Variants in LDLRAD1 observed in about 807,000 individuals in gnomAD.
LDLRAD1 encodes low density lipoprotein receptor class A domain containing 1.
A neutral mutation model predicts 24.8 loss-of-function variants in LDLRAD1; 17 were observed. The observed-to-expected ratio is 0.69, with a 90% CI of 0.47 to 1.03. LDLRAD1 has a LOEUF of 1.03. Ranked by LOEUF, LDLRAD1 falls within the 50% of genes least tolerant of loss-of-function variation. The pLI, the probability that LDLRAD1 is intolerant of heterozygous loss-of-function variation, is 0.00. For missense variants in LDLRAD1, 277 were observed against 271.0 expected, an observed-to-expected ratio of 1.02 and a Z score of -0.16; for synonymous variants, 103 against 108.2, an observed-to-expected ratio of 0.95 and a Z score of 0.30.
At chr1:54,016,941 C>T (rs530853534) in intron 2 of LDLRAD1, among the ~76,000 whole-genome samples, 1 of 152,338 alleles carries the variant, frequency 6.6e-6, no homozygotes, top group East Asian at 1.9e-4. Flanking sequence ...CTTCCTTCTT[C>T]TATTTTCAGA....
Position 54,010,422 on chromosome 1 carries a change from C to T in LDLRAD1, c.341-12G>A, listed in dbSNP as rs748446923. On this transcript the variant is annotated splice_polypyrimidine_tract_variant and intron_variant, in intron 4 of 5. Coordinates refer to ENST00000371360, the MANE Select transcript of LDLRAD1 (RefSeq NM_001010978.4). ...CTGGGGCACATCTCCTGTAGAGGTA[C>T]AGAGGAGGCAGGAAGAAGTCCACAT... The T allele has an allele frequency of 4.3e-6, 7 of 1,613,558 alleles. No individual in the cohort carries two copies. The South Asian group carries it at 7.7e-5, about 18-fold the overall frequency.
chr1:54,012,129 G>A lies in LDLRAD1; in HGVS notation c.340+14C>T, dbSNP rs533879494. 20 of 1,612,990 alleles carry A rather than the reference G, an allele frequency of 1.2e-5. No individual in the cohort carries two copies. In the Middle Eastern group the frequency reaches 1.0e-3, roughly 81 times the overall value. ...GGGAACCCCTGGGAGGGGCAGCACC[G>A]AGCGGGTACTCACGGCACAAGCTCT... On this transcript the variant is annotated intron_variant, in intron 4 of 5. Coordinates refer to ENST00000371360, the MANE Select transcript of LDLRAD1 (RefSeq NM_001010978.4).
chr1:54,014,291 A>G lies in LDLRAD1; in HGVS notation c.147T>C (p.Thr49=). 1 of 1,550,876 alleles carries G rather than the reference A, an allele frequency of 6.4e-7. No homozygotes were observed. Among genetic ancestry groups the G allele is most frequent in the Non-Finnish European group, 8.7e-7 (1 of 1,147,198 alleles). ...TGACCAAGGCGATGAGGGCCGCCAC[A>G]GTTGCCAGGAGGAGCAGCAGAGAGG... ...LSASLLLLLA[T]VAALIALVTI... Residue 49 remains threonine, a synonymous_variant, in exon 3 of 6, where the codon ACT becomes ACC. Transcript: ENST00000371360.
At chr1:54,010,468 G>T in intron 4 of LDLRAD1, 58 bp from the exon 5 acceptor site, 2 of 1,592,040 alleles carry the variant, frequency 1.3e-6, no homozygotes, top group Non-Finnish European at 1.7e-6. Context: ...CTGTCTGAGG[G>T]TTATCGGGAG....
At chr1:54,010,164 C>A in intron 5 of LDLRAD1, 118 bp downstream of exon 5, 2 of 1,210,996 alleles carry the variant, frequency 1.7e-6, no homozygotes, top group Non-Finnish European at 2.3e-6. Context: ...GTAGAAAACT[C>A]CTTCCTAGGA....
Position 54,009,012 on chromosome 1 carries a change from C to G in LDLRAD1, c.588G>C (p.Trp196Cys). The G allele has an allele frequency of 1.9e-6, 3 of 1,613,914 alleles. No homozygotes were observed. Among genetic ancestry groups the G allele is most frequent in the African/African-American group, 2.7e-5 (2 of 75,016 alleles). Residue 196 changes from tryptophan (W) to cysteine (C), a missense_variant, in exon 6 of 6, where the codon TGG (tryptophan) becomes TGC (cysteine). Coordinates refer to ENST00000371360, the MANE Select transcript of LDLRAD1 (RefSeq NM_001010978.4). ...CRDHVQHCSD[W>C]SDEYACPGP ...GTCCGGGACAGGCATACTCATCGGA[C>G]CAGTCGGAGCAGTGCTGTACATGGT...
intron 4 of LDLRAD1, among the ~76,000 whole-genome samples, chr1:54,010,672 C>T (rs1569886350): frequency 6.6e-6 from 1 of 152,156 alleles, no homozygotes; most frequent in African/African-American, 2.4e-5. Flanking sequence ...CTGCCCCACA[C>T]CACTGCTGAC....
chr1:54,009,026 GCTGTA>G lies in LDLRAD1; in HGVS notation c.569_573del (p.Val190AlafsTer8). The G allele has an allele frequency of 6.2e-7, 1 of 1,614,078 alleles. No homozygotes were observed. Among genetic ancestry groups the G allele is most frequent in the Non-Finnish European group, 8.5e-7 (1 of 1,180,006 alleles). On this transcript the variant is annotated frameshift_variant, in exon 6 of 6. Coordinates refer to ENST00000371360, the MANE Select transcript of LDLRAD1 (RefSeq NM_001010978.4). LOFTEE classifies it high-confidence loss of function. The stretch of plus-strand genomic sequence containing the variant: ...TACTCATCGGACCAGTCGGAGCAGT[GCTGTA>G]CATGGTCGCGGCAGAGATGCCTCGG...
chr1:54,017,251 G>C, intron 2 of LDLRAD1, 125 bp downstream of exon 2: 1 of 741,952 alleles, frequency 1.3e-6, no homozygotes, highest in Non-Finnish European at 2.3e-6. Context: ...AGCAGACAAC[G>C]TTAACATGGA....
At chr1:54,014,802 C>A (rs185739498) in intron 2 of LDLRAD1, among the ~76,000 whole-genome samples, 1 of 152,314 alleles carries the variant, frequency 6.6e-6, no homozygotes, top group African/African-American at 2.4e-5. Flanking sequence ...ATTCATGTCA[C>A]CCTGGGTGGA....
At chr1:54,010,688 GC>G (rs1172782642) in intron 4 of LDLRAD1, among the ~76,000 whole-genome samples, 9 of 151,996 alleles carry the variant, frequency 5.9e-5, no homozygotes, top group Non-Finnish European at 1.2e-4. Flanking sequence ...CTGACACTAT[GC>G]CCCCCTCCAC....
chr1:54,007,681 G>C lies in LDLRAD1; in HGVS notation c.*1301C>G, dbSNP rs533388225. The C allele has an allele frequency of 6.6e-6, 1 of 152,494 alleles. No homozygotes were observed. The highest frequency in any genetic ancestry group is 6.5e-5 in the Admixed American group (1 of 15,304). 9.4% of individuals were successfully genotyped at this position (152,494 alleles called of 1,614,324 possible). On this transcript the variant is annotated 3_prime_UTR_variant, in exon 6 of 6. Transcript: ENST00000371360. ...GCTGGTCTCGAACTCCTGGGCTCAAGTGGGACACTTCCACCTCAGTGTCCC... is the reference window on the plus strand; with the variant it reads ...GCTGGTCTCGAACTCCTGGGCTCAACTGGGACACTTCCACCTCAGTGTCCC...
Position 54,007,695 on chromosome 1 carries a change from C to A in LDLRAD1, c.*1287G>T, listed in dbSNP as rs928441. On this transcript the variant is annotated 3_prime_UTR_variant, in exon 6 of 6. Coordinates refer to ENST00000371360, the MANE Select transcript of LDLRAD1 (RefSeq NM_001010978.4). ...CCTGGGCTCAAGTGGGACACTTCCA[C>A]CTCAGTGTCCCAAAGTGCTGGGATC... 55,096 of 152,178 alleles carry A rather than the reference C, an allele frequency of 0.36. 10,274 individuals are homozygous for A. The highest frequency in any genetic ancestry group is 0.53 in the East Asian group (2,756 of 5,168). The allele number at this position is 152,178 out of a possible 1,614,324, so 9.4% of individuals were successfully genotyped here.
chr1:54,015,914 C>T (rs1019408779), intron 2 of LDLRAD1, among the ~76,000 whole-genome samples: 5 of 152,224 alleles, frequency 3.3e-5, no homozygotes, highest in Middle Eastern at 3.4e-3. Flanking sequence ...CTTGGCCTCC[C>T]GAAGTGCTGG....
In LDLRAD1 at chr1:54,011,413, G is replaced by C. The variant is rs114242743; in HGVS notation, c.340+730C>G. ...ATGCAAGCAGAGGCTGGGTGGCCTC[G>C]GTTGGGCTTGCTAGAGAGGGGATTG... On this transcript the variant is annotated intron_variant, in intron 4 of 5. Transcript: ENST00000371360. Among the ~76,000 whole-genome samples, 546 of 152,206 alleles carry C rather than the reference G, an allele frequency of 3.6e-3. 1 individual carries two copies. The highest frequency in any genetic ancestry group is 5.9e-3 in the Non-Finnish European group (400 of 67,998).
intron 5 of LDLRAD1, among the ~76,000 whole-genome samples, chr1:54,010,024 C>T (rs1655979936): frequency 6.6e-6 from 1 of 152,182 alleles, no homozygotes; most frequent in African/African-American, 2.4e-5. Flanking sequence ...CTTGCATGAC[C>T]ACCTTCTGGG....
Position 54,010,263 on chromosome 1 carries a change from C to T in LDLRAD1, c.469+19G>A. The T allele has an allele frequency of 6.2e-7, 1 of 1,613,474 alleles. No individual in the cohort carries two copies. The highest frequency in any genetic ancestry group is 8.5e-7 in the Non-Finnish European group (1 of 1,179,674). On this transcript the variant is annotated intron_variant, in intron 5 of 5. Coordinates refer to ENST00000371360, the MANE Select transcript of LDLRAD1 (RefSeq NM_001010978.4). Reference sequence around the variant, plus strand: ...TGCCTGGACACCAGCCCCAGCCCAGCCTGTGCCCAGACCCCTACCTGGGCT... The same window carrying T: ...TGCCTGGACACCAGCCCCAGCCCAGTCTGTGCCCAGACCCCTACCTGGGCT...
rs1276989779 is a variant in LDLRAD1, at chr1:54,014,136, C to T, written c.202+100G>A. The T allele has an allele frequency of 5.7e-6, 8 of 1,412,618 alleles. No individual in the cohort carries two copies. The Middle Eastern group carries it at 7.3e-4, about 129-fold the overall frequency. The allele number at this position is 1,412,618 out of a possible 1,614,324, so 87.5% of individuals were successfully genotyped here. A position where few individuals can be genotyped will look rare whatever the true frequency, so the allele number is the denominator to read the frequency against. ...ACCTTAAGGAATTAGTCCAAAGTCA[C>T]CTGGTGGAGAAGCCAGGCAGGTCGG... On this transcript the variant is annotated intron_variant, in intron 3 of 5. Coordinates refer to ENST00000371360, the MANE Select transcript of LDLRAD1 (RefSeq NM_001010978.4).
intron 5 of LDLRAD1, among the ~76,000 whole-genome samples, chr1:54,009,752 TG>T (rs1024424267): frequency 2.0e-5 from 3 of 152,152 alleles, no homozygotes; most frequent in Non-Finnish European, 4.4e-5. Flanking sequence ...AGAACATGTT[TG>T]TTGATTGACC....
Sources: allele counts gnomAD v4.1 joint callset (sites outside exome capture counted in the v4.1 genomes callset), GRCh38; gene constraint gnomAD v4.1.1; transcripts MANE v1.5; gene names NCBI Gene and HGNC (gene_info 2026-07-23, HGNC 2026-07-21).